Variants in C1orf159 observed in about 807,000 individuals in gnomAD.
The protein encoded by C1orf159 is uncharacterized protein C1orf159.
In C1orf159, 19 loss-of-function variants were observed where a neutral mutation model predicts 25.6. That is an observed-to-expected ratio of 0.74 (90% CI 0.52 to 1.09). C1orf159 has a LOEUF of 1.09. Ranked by LOEUF, C1orf159 falls within the 50% of genes least tolerant of loss-of-function variation. The pLI, the probability that C1orf159 is intolerant of heterozygous loss-of-function variation, is 0.00. For synonymous variants in C1orf159, 139 were observed against 124.7 expected (o/e 1.12, Z -0.77); for missense variants, 274 against 290.6 (o/e 0.94, Z 0.42).
chr1:1,110,768 G>A lies in C1orf159; in HGVS notation c.-136+5292C>T, dbSNP rs1043390227. Among the ~76,000 whole-genome samples, 1 of 152,128 alleles carries A rather than the reference G, an allele frequency of 6.6e-6. No individual in the cohort carries two copies. Among genetic ancestry groups the A allele is most frequent in the Non-Finnish European group, 1.5e-5 (1 of 68,022 alleles). On this transcript the variant is annotated intron_variant, in intron 1 of 9. Transcript: ENST00000421241. The surrounding 1 kb of genome is among the most constrained non-coding windows in gnomAD (Gnocchi z 4.8). ...AACCCACCCGGGCGCCCTCAGAGAC[G>A]ACGAGCACGCAACAGCGCATCCCAC...
rs1048695721 is a variant in C1orf159 at position 1,084,511 on chromosome 1, G to A, written c.446-5C>T. ...CGCCAGGCTGCAGGGCCGGAGCTGT[G>A]GGGGAGAAAGCGGAGAGTCACCCTG... On this transcript the variant is annotated splice_region_variant and splice_polypyrimidine_tract_variant and intron_variant, in intron 7 of 9. Transcript: ENST00000421241. 3.5e-5 allele frequency: 54 copies of A among 1,552,752 alleles called. No individual in the cohort carries two copies. The highest frequency in any genetic ancestry group is 8.2e-5 in the African/African-American group (6 of 73,140).
chr1:1,084,174 A>T, intron 9 of C1orf159, 179 bp downstream of exon 9: 1 of 1,532,642 alleles, frequency 6.5e-7, no homozygotes, highest in Non-Finnish European at 8.8e-7. Context: ...GATCCAGAGC[A>T]GGGGGCACCA....
Position 1,082,405 on chromosome 1 carries a change from G to A in C1orf159, c.*488C>T, listed in dbSNP as rs552494088. ...CTAGGCTGTGTCCTCCCCACTGGCC[G>A]GGCACCGGCTGGAACGGCACGAGGA... is the stretch of plus-strand genomic sequence containing the variant. On this transcript the variant is annotated 3_prime_UTR_variant, in exon 10 of 10. Coordinates refer to ENST00000421241, the MANE Select transcript of C1orf159 (RefSeq NM_017891.5). 9 of 170,942 alleles carry A rather than the reference G, an allele frequency of 5.3e-5. No homozygotes were observed. The highest frequency in any genetic ancestry group is 7.6e-5 in the Non-Finnish European group (6 of 78,706). The allele number at this position is 170,942 out of a possible 1,614,324, so 10.6% of individuals were successfully genotyped here. A position where few individuals can be genotyped will look rare whatever the true frequency, so the allele number is the denominator to read the frequency against.
intron 1 of C1orf159, 174 bp from the exon 2 acceptor site, chr1:1,092,277 GCTGGCCTC>G (rs903652139): frequency 8.5e-6 from 2 of 235,850 alleles, no homozygotes; most frequent in East Asian, 1.5e-4. Context: ...TTTCCCCCGA[GCTGGCCTC>G]CTGGCCTCCT....
intron 1 of C1orf159, among the ~76,000 whole-genome samples, chr1:1,095,493 C>T (rs968507966): frequency 2.0e-5 from 3 of 152,196 alleles, no homozygotes; most frequent in Admixed American, 6.5e-5. Flanking sequence ...TACTATATAA[C>T]GATAAACTTT....
At chr1:1,094,002 T>C (rs1477282267) in intron 1 of C1orf159, among the ~76,000 whole-genome samples, 4 of 152,210 alleles carry the variant, frequency 2.6e-5, no homozygotes, top group Admixed American at 2.6e-4. Context: ...TTTCCATGTG[T>C]TTATTAGCCA....
At chr1:1,100,103 AACAAAT>A (rs1450882831) in intron 1 of C1orf159, among the ~76,000 whole-genome samples, 4 of 152,100 alleles carry the variant, frequency 2.6e-5, no homozygotes, top group African/African-American at 9.7e-5. Context: ...TCTCTTAAAA[AACAAAT>A]ACATAGACGG....
intron 6 of C1orf159, 102 bp from the exon 7 acceptor site, chr1:1,086,114 C>T (rs550581976): frequency 6.4e-6 from 9 of 1,406,654 alleles, no homozygotes; most frequent in South Asian, 3.9e-5. Flanking sequence ...GCTCTCTGAA[C>T]ATGCCTGAGC....
chr1:1,106,029 A>G (rs1000036673), intron 1 of C1orf159: 1 of 152,230 alleles, frequency 6.6e-6, no homozygotes, highest in Admixed American at 6.5e-5. Flanking sequence ...TGTGAAGTAC[A>G]TTTAATCTCC....
At chr1:1,098,886 A>C (rs1180634255) in intron 1 of C1orf159, among the ~76,000 whole-genome samples, 1 of 152,222 alleles carries the variant, frequency 6.6e-6, no homozygotes, top group Non-Finnish European at 1.5e-5. Flanking sequence ...TGCCTGGATT[A>C]CAAGCTTGAG....
Position 1,110,860 on chromosome 1 carries a change from G to A in C1orf159, c.-136+5200C>T, listed in dbSNP as rs558961756. On this transcript the variant is annotated intron_variant, in intron 1 of 9. Coordinates refer to ENST00000421241, the MANE Select transcript of C1orf159 (RefSeq NM_017891.5). The surrounding 1 kb of genome is among the most constrained non-coding windows in gnomAD (Gnocchi z 4.8). ...GTTCTCTGCGTGAGCCGTGGCAGAC[G>A]CAAAACCGCCCGCACGTGTGACTCC... Among the ~76,000 whole-genome samples, 128 of 152,334 alleles carry A rather than the reference G, an allele frequency of 8.4e-4. 1 individual carries two copies. The highest frequency in any genetic ancestry group is 2.9e-3 in the African/African-American group (122 of 41,586).
At chr1:1,114,427 C>T (rs991290979) in intron 1 of C1orf159, among the ~76,000 whole-genome samples, 69 of 152,322 alleles carry the variant, frequency 4.5e-4, no homozygotes, top group African/African-American at 1.5e-3. Context: ...GCACCCACAG[C>T]GCTAGCTGTT....
chr1:1,104,657 T>C (rs1390432257), intron 1 of C1orf159, among the ~76,000 whole-genome samples: 3 of 152,140 alleles, frequency 2.0e-5, no homozygotes, highest in Non-Finnish European at 4.4e-5. Flanking sequence ...GGTCTGGACA[T>C]GGTGGCTCAC....
At chr1:1,104,128 C>T (rs1211162102) in intron 1 of C1orf159, among the ~76,000 whole-genome samples, 3 of 152,150 alleles carry the variant, frequency 2.0e-5, no homozygotes, top group African/African-American at 7.2e-5. Flanking sequence ...GCTGGGATTA[C>T]AGGCACCTGC....
intron 9 of C1orf159, 49 bp downstream of exon 9, chr1:1,084,304 T>C (rs1006591821): frequency 5.9e-6 from 9 of 1,524,686 alleles, no homozygotes; most frequent in Non-Finnish European, 7.0e-6. Flanking sequence ...ACCCTGGGAC[T>C]GGCCCAGAGA....
intron 1 of C1orf159, among the ~76,000 whole-genome samples, chr1:1,111,336 C>T (rs536164814): frequency 6.8e-6 from 1 of 147,372 alleles, no homozygotes; most frequent in East Asian, 2.0e-4. Context: ...AAAACCAGCC[C>T]GGACAACAGA....
At chr1:1,090,469 C>G in intron 3 of C1orf159, 41 bp from the exon 4 acceptor site, 1 of 1,543,406 alleles carries the variant, frequency 6.5e-7, no homozygotes, top group Non-Finnish European at 8.8e-7. Context: ...ACGCGCCTGC[C>G]AGGCAGGCTC....
chr1:1,083,179 G>A (rs1293376993), intron 9 of C1orf159, 192 bp from the exon 10 acceptor site: 2 of 556,658 alleles, frequency 3.6e-6, no homozygotes, highest in Admixed American at 3.4e-5. Context: ...CTCGGGAAAG[G>A]GACGGCTTCC....
Position 1,082,645 on chromosome 1 carries a change from T to G in C1orf159, c.*248A>C, listed in dbSNP as rs1645761752. Reference sequence around the variant, plus strand: ...GCCCGGACCCCCCAAGGCCTCGATCTGAAGCTCTGAGGTCTCATGGATGCC... The same window carrying G: ...GCCCGGACCCCCCAAGGCCTCGATCGGAAGCTCTGAGGTCTCATGGATGCC... On this transcript the variant is annotated 3_prime_UTR_variant, in exon 10 of 10. Transcript: ENST00000421241. 3.7e-6 allele frequency: 2 copies of G among 542,550 alleles called. No individual in the cohort carries two copies. Among genetic ancestry groups the G allele is most frequent in the South Asian group, 2.0e-5 (1 of 49,042 alleles). 33.6% of individuals were successfully genotyped at this position (542,550 alleles called of 1,614,324 possible).
Sources: allele counts gnomAD v4.1 joint callset (sites outside exome capture counted in the v4.1 genomes callset), GRCh38; gene constraint gnomAD v4.1.1; non-coding constraint Gnocchi (gnomAD v3.1); transcripts MANE v1.5; gene names NCBI Gene and HGNC (gene_info 2026-07-23, HGNC 2026-07-21).